RAB7A: variants seen among roughly 807,000 people sequenced by gnomAD.
RAB7A encodes RAB7A, member RAS oncogene family, also known as ras-related protein Rab-7a.
RAB7A carries 2 observed loss-of-function variants against 24.5 expected under a neutral mutation model. The ratio of observed to expected loss-of-function variants is 0.08; its 90% CI spans 0.03 to 0.26. The LOEUF is 0.26. Among genes scored for constraint, RAB7A ranks in the 10% least tolerant of loss-of-function variants. RAB7A has a pLI of 1.00. For missense variants in RAB7A, 118 were observed against 255.7 expected (o/e 0.46, Z 3.67); for synonymous variants, 100 against 95.9 (o/e 1.04, Z -0.25).
At chr3:128,797,377 TAGAAAAC>T (rs1392988105) in intron 2 of RAB7A, among the ~76,000 whole-genome samples, 1 of 152,252 alleles carries the variant, frequency 6.6e-6, no homozygotes, top group Non-Finnish European at 1.5e-5. Flanking sequence ...GTTTTCTTAC[TAGAAAAC>T]ATATTTGGAG....
At chr3:128,797,155 C>T (rs951474168) in intron 2 of RAB7A, among the ~76,000 whole-genome samples, 1 of 152,202 alleles carries the variant, frequency 6.6e-6, no homozygotes, top group Admixed American at 6.5e-5. Context: ...GTTTTGCCAC[C>T]TCTCACCTTG....
chr3:128,782,211 A>G (rs1270949521), intron 1 of RAB7A, among the ~76,000 whole-genome samples: 1 of 152,208 alleles, frequency 6.6e-6, no homozygotes, highest in Admixed American at 6.5e-5. Flanking sequence ...TGAATGGGAC[A>G]AAATAGAACC....
intron 1 of RAB7A, among the ~76,000 whole-genome samples, chr3:128,734,298 G>T (rs552298924): frequency 2.6e-5 from 4 of 151,928 alleles, no homozygotes; most frequent in Admixed American, 6.6e-5. Flanking sequence ...AGGCGTGGTG[G>T]TGGGCACTTG....
intron 5 of RAB7A, among the ~76,000 whole-genome samples, chr3:128,812,692 A>C (rs190351691): frequency 4.5e-4 from 69 of 152,370 alleles, no homozygotes; most frequent in African/African-American, 1.5e-3. Context: ...ATCACTTGTC[A>C]CAGATGGTGA....
At chr3:128,727,042 A>G (rs1484632216) in intron 1 of RAB7A, among the ~76,000 whole-genome samples, 1 of 152,218 alleles carries the variant, frequency 6.6e-6, no homozygotes, top group Non-Finnish European at 1.5e-5. Context: ...TTGTGTTTCC[A>G]TTCCGACCGT....
At chr3:128,796,994 C>T (rs1336901767) in intron 2 of RAB7A, among the ~76,000 whole-genome samples, 2 of 152,172 alleles carry the variant, frequency 1.3e-5, no homozygotes, top group African/African-American at 4.8e-5. Flanking sequence ...CTAGCATTTG[C>T]CCAGCCCCAG....
At chr3:128,742,420 T>TTTTA (rs1361137262) in intron 1 of RAB7A, among the ~76,000 whole-genome samples, 3 of 152,128 alleles carry the variant, frequency 2.0e-5, no homozygotes, top group Non-Finnish European at 4.4e-5. Flanking sequence ...GGCAGCCTGC[T>TTTTA]TTTATTCCCT....
At chr3:128,763,958 G>A (rs2070801138) in intron 1 of RAB7A, among the ~76,000 whole-genome samples, 1 of 141,034 alleles carries the variant, frequency 7.1e-6, no homozygotes, top group South Asian at 2.2e-4. Context: ...TCAGAGTGAG[G>A]AGTTATTGTT....
At chr3:128,750,652 A>G (rs1009992681) in intron 1 of RAB7A, among the ~76,000 whole-genome samples, 9 of 152,226 alleles carry the variant, frequency 5.9e-5, no homozygotes, top group African/African-American at 2.2e-4. Context: ...CAGAGCATAA[A>G]AGTTAGGAAA....
chr3:128,775,615 A>C (rs1933070186), intron 1 of RAB7A, among the ~76,000 whole-genome samples: 1 of 152,192 alleles, frequency 6.6e-6, no homozygotes, highest in Admixed American at 6.5e-5. Flanking sequence ...AAAAATTCCA[A>C]GTGTGGAGAC....
intron 1 of RAB7A, among the ~76,000 whole-genome samples, chr3:128,729,464 T>A (rs943042277): frequency 1.3e-5 from 2 of 150,192 alleles, no homozygotes; most frequent in Non-Finnish European, 3.0e-5. Context: ...CAGCTACTCG[T>A]GAGGCTGAGG....
At chr3:128,771,273 C>T (rs1932927789) in intron 1 of RAB7A, among the ~76,000 whole-genome samples, 1 of 152,158 alleles carries the variant, frequency 6.6e-6, no homozygotes, top group South Asian at 2.1e-4. Flanking sequence ...GCCCAGCCTA[C>T]AATTTTAAGT....
chr3:128,759,774 A>G (rs1389902370), intron 1 of RAB7A, among the ~76,000 whole-genome samples: 4 of 151,820 alleles, frequency 2.6e-5, no homozygotes, highest in Non-Finnish European at 4.4e-5. Flanking sequence ...CAGTGGCGCA[A>G]TCTTGGCTCA....
chr3:128,734,454 C>CAAA (rs10524458), intron 1 of RAB7A, among the ~76,000 whole-genome samples: 14 of 86,852 alleles, frequency 1.6e-4, no homozygotes, highest in Admixed American at 2.3e-4. Context: ...GACCCTACCT[C>CAAA]AAAAAAAAAA....
intron 1 of RAB7A, among the ~76,000 whole-genome samples, chr3:128,784,699 C>G (rs774320078): frequency 6.6e-6 from 1 of 152,144 alleles, no homozygotes; most frequent in African/African-American, 2.4e-5. Flanking sequence ...TTCCCTTTTC[C>G]CCCTTCATAT....
chr3:128,737,561 G>A (rs921845072), intron 1 of RAB7A, among the ~76,000 whole-genome samples: 5 of 151,354 alleles, frequency 3.3e-5, no homozygotes, highest in Admixed American at 6.6e-5. Context: ...GCCCAGGCTG[G>A]TCTCGAACTC....
chr3:128,750,649 TA>T, intron 1 of RAB7A, among the ~76,000 whole-genome samples: 1 of 152,274 alleles, frequency 6.6e-6, no homozygotes, highest in Non-Finnish European at 1.5e-5. Flanking sequence ...AAGCAGAGCA[TA>T]AAAGTTAGGA....
chr3:128,728,891 A>G (rs1287843070), intron 1 of RAB7A, among the ~76,000 whole-genome samples: 2 of 152,166 alleles, frequency 1.3e-5, no homozygotes, highest in South Asian at 2.1e-4. Flanking sequence ...CTGGCAAGAA[A>G]GTTTAATGTA....
intron 1 of RAB7A, among the ~76,000 whole-genome samples, chr3:128,745,945 G>A (rs772744788): frequency 6.6e-6 from 1 of 152,154 alleles, no homozygotes; most frequent in African/African-American, 2.4e-5. Context: ...CTTGACCAGC[G>A]CCCCCTGGCA....
Sources: allele counts gnomAD v4.1 joint callset (sites outside exome capture counted in the v4.1 genomes callset), GRCh38; gene constraint gnomAD v4.1.1; transcripts MANE v1.5; gene names NCBI Gene and HGNC (gene_info 2026-07-23, HGNC 2026-07-21).